The following RBBP6 variants were observed in gnomAD, a reference collection of about 807,000 sequenced individuals.
RBBP6 encodes the protein RB binding protein 6, ubiquitin ligase.
In RBBP6, 25 loss-of-function variants were observed where a neutral mutation model predicts 167.7. The ratio of observed to expected loss-of-function variants is 0.15; its 90% CI spans 0.11 to 0.21. The LOEUF (loss-of-function observed/expected upper bound fraction) is 0.21, where lower values mean the gene tolerates loss of function less well. RBBP6 is among the 10% of genes least tolerant of loss of function. The pLI, the probability that RBBP6 is intolerant of heterozygous loss-of-function variation, is 1.00. For missense variants in RBBP6, 1,868 were observed against 2,134.2 expected, an observed-to-expected ratio of 0.88 and a Z score of 2.46; for synonymous variants, 789 against 735.8, an observed-to-expected ratio of 1.07 and a Z score of -1.17.
chr16:24,553,553 C>A lies in RBBP6; in HGVS notation c.344C>A (p.Thr115Lys). 6.4e-7 allele frequency: 1 copy of A among 1,552,566 alleles called. No individual in the cohort carries two copies. The highest frequency in any genetic ancestry group is 8.6e-7 in the Non-Finnish European group (1 of 1,157,292). ...SSASISLAQL[T>K]KTANLAEANA... ...GCGTCTATTTCTCTGGCCCAGCTTACAAAGGTATATATATATATATATTCT... is the reference window on the plus strand; with the variant it reads ...GCGTCTATTTCTCTGGCCCAGCTTAAAAAGGTATATATATATATATATTCT... Residue 115 changes from threonine to lysine, a missense_variant, in exon 4 of 18, where the codon ACA (threonine) becomes AAA (lysine). Thr to Lys is a moderately conservative substitution (Grantham distance 78). Around this residue, in one of 7 missense-constraint regions of RBBP6, gnomAD observed 184 missense variants for 327.7 expected, o/e 0.56. Transcript: ENST00000319715.
chr16:24,549,533 A>G (rs1898746553), intron 3 of RBBP6: 1 of 263,690 alleles, frequency 3.8e-6, no homozygotes, highest in Admixed American at 6.5e-5. Flanking sequence ...TCCAAGTTCA[A>G]ACACATCATA....
At position 24,568,829 on chromosome 16, in the gene RBBP6, C is replaced by G; in HGVS notation, c.2139C>G (p.Arg713=). ...CAAGATCTGGTTCAACACGTTCACG[C>G]TCTTATTCTCGATCATTCAGCCGCT... ...SKSRSGSTRS[R]SYSRSFSRSH... is the part of the protein sequence containing the mutation. Residue 713 remains arginine (R), a synonymous_variant, in exon 17 of 18, where the codon CGC becomes CGG. Coordinates refer to ENST00000319715, the MANE Select transcript of RBBP6 (RefSeq NM_006910.5). 1.2e-6 allele frequency: 2 copies of G among 1,614,228 alleles called. No individual in the cohort carries two copies. Among genetic ancestry groups the G allele is most frequent in the South Asian group, 2.2e-5 (2 of 91,086 alleles).
In RBBP6 at chr16:24,559,587, A is replaced by G; in HGVS notation, c.757A>G (p.Ile253Val). The G allele has an allele frequency of 5.0e-6, 8 of 1,608,606 alleles. No homozygotes were observed. Among genetic ancestry groups the G allele is most frequent in the Non-Finnish European group, 6.8e-6 (8 of 1,177,328 alleles). The change falls in exon 8 of 18, where the codon ATC (isoleucine) becomes GTC (valine). Residue 253 changes from isoleucine (I) to valine (V), a missense_variant. Physicochemically the swap from Ile to Val is conservative, Grantham distance 29. This residue lies in a region of RBBP6 where 184 missense variants were observed against 327.7 expected (regional missense o/e 0.56). Coordinates refer to ENST00000319715, the MANE Select transcript of RBBP6 (RefSeq NM_006910.5). ...PSSSSEEDDP[I>V]PDELLCLICK... ...TTCTTCCTCAGAAGAAGATGATCCTATCCCAGATGAATTGTTGTGTCTCAT... is the reference window on the plus strand; with the variant it reads ...TTCTTCCTCAGAAGAAGATGATCCTGTCCCAGATGAATTGTTGTGTCTCAT...
Position 24,548,972 on chromosome 16 carries a change from T to C in RBBP6, c.294T>C (p.Thr98=). ...GTCGAACTGAACCAGCGATGGCAACTACAAAAGCAGTATGTAAAAACACAA... is the reference window on the plus strand; with the variant it reads ...GTCGAACTGAACCAGCGATGGCAACCACAAAAGCAGTATGTAAAAACACAA... ...VISRTEPAMA[T]TKAIDDSSAS... The change falls in exon 3 of 18, where the codon ACT becomes ACC. Residue 98 remains threonine, a synonymous_variant. Coordinates refer to ENST00000319715, the MANE Select transcript of RBBP6 (RefSeq NM_006910.5). 1 of 1,611,326 alleles carries C rather than the reference T, an allele frequency of 6.2e-7. No individual in the cohort carries two copies. The highest frequency in any genetic ancestry group is 8.5e-7 in the Non-Finnish European group (1 of 1,178,318).
At chr16:24,568,128 G>GT (rs1704565201) in intron 16 of RBBP6, among the ~76,000 whole-genome samples, 1 of 152,204 alleles carries the variant, frequency 6.6e-6, no homozygotes, top group African/African-American at 2.4e-5. Flanking sequence ...GTCCCTTAAA[G>GT]TTATTCATAG....
At chr16:24,555,735 A>T (rs368230504) in intron 5 of RBBP6, 32 bp downstream of exon 5, 189 of 1,601,390 alleles carry the variant, frequency 1.2e-4, no homozygotes, top group Admixed American at 5.0e-4. Context: ...ACTAATAGGA[A>T]CTTTTGGGGT....
chr16:24,541,181 C>CAAAAAA (rs751954607), intron 1 of RBBP6, among the ~76,000 whole-genome samples: 5 of 58,026 alleles, frequency 8.6e-5, no homozygotes, highest in Admixed American at 2.1e-4. Flanking sequence ...GTTCAATCAG[C>CAAAAAA]AAAAAAAAAA....
At chr16:24,565,389 T>C (rs959030598) in intron 14 of RBBP6, among the ~76,000 whole-genome samples, 1 of 152,226 alleles carries the variant, frequency 6.6e-6, no homozygotes, top group East Asian at 1.9e-4. Context: ...AGAATCTTAC[T>C]GTCTAGGTCA....
At chr16:24,542,716 G>A (rs1898535395) in intron 1 of RBBP6, among the ~76,000 whole-genome samples, 1 of 152,170 alleles carries the variant, frequency 6.6e-6, no homozygotes, top group Non-Finnish European at 1.5e-5. Context: ...ACCCACCTGG[G>A]TCTCCCAAAG....
intron 1 of RBBP6, among the ~76,000 whole-genome samples, chr16:24,544,746 C>G (rs1898594435): frequency 2.0e-5 from 3 of 152,094 alleles, no homozygotes; most frequent in Non-Finnish European, 2.9e-5. Context: ...CATTCTTATA[C>G]AAGTATTGCA....
At chr16:24,557,723 T>TTC (rs1416678062) in intron 7 of RBBP6, among the ~76,000 whole-genome samples, 14 of 152,196 alleles carry the variant, frequency 9.2e-5, no homozygotes, top group African/African-American at 2.9e-4. Flanking sequence ...GGTGTTCATG[T>TTC]TCTCAGTGAA....
chr16:24,571,073 C>G lies in RBBP6; in HGVS notation c.4007C>G (p.Thr1336Arg), dbSNP rs147860625. The G allele has an allele frequency of 2.5e-6, 4 of 1,611,632 alleles. No individual in the cohort carries two copies. The highest frequency in any genetic ancestry group is 3.4e-6 in the Non-Finnish European group (4 of 1,178,086). Reference sequence around the variant, plus strand: ...TCTGAAGAAGAAGATGTTAAATCCACACAGCCTATATCAAGTGTAGGAAAA... The same window carrying G: ...TCTGAAGAAGAAGATGTTAAATCCAGACAGCCTATATCAAGTGTAGGAAAA... Reference protein sequence around the residue: ...FESEEEDVKSTQPISSVGKPA... With the variant: ...FESEEEDVKSRQPISSVGKPA... The change falls in exon 18 of 18, where the codon ACA becomes AGA. Residue 1336 changes from threonine (T) to arginine (R), a missense_variant. Thr to Arg is a moderately conservative substitution (Grantham distance 71). Around this residue, in one of 7 missense-constraint regions of RBBP6, gnomAD observed 591 missense variants for 540.5 expected, o/e 1.09. Coordinates refer to ENST00000319715, the MANE Select transcript of RBBP6 (RefSeq NM_006910.5).
chr16:24,561,523 G>A, intron 8 of RBBP6, 89 bp from the exon 9 acceptor site: 1 of 1,114,180 alleles, frequency 9.0e-7, no homozygotes, highest in Non-Finnish European at 1.3e-6. Flanking sequence ...TAATGTAACT[G>A]AACAAATGTG....
In RBBP6 at chr16:24,561,716, G is replaced by GTAAC; in HGVS notation, c.951+3_951+6dup. 2 of 1,611,956 alleles carry GTAAC rather than the reference G, an allele frequency of 1.2e-6. No individual in the cohort carries two copies. The highest frequency in any genetic ancestry group is 1.7e-6 in the Non-Finnish European group (2 of 1,178,146). On this transcript the variant is annotated splice_donor_variant, in intron 9 of 17. Coordinates refer to ENST00000319715, the MANE Select transcript of RBBP6 (RefSeq NM_006910.5). LOFTEE classifies it high-confidence loss of function. ...AATTGCCAATAAATTTTTACGACAG[G>GTAAC]TAACTGTCTGTATCCATTTTATGAA...
chr16:24,568,972 C>T lies in RBBP6; in HGVS notation c.2282C>T (p.Pro761Leu). Residue 761 changes from proline to leucine, a missense_variant, in exon 17 of 18, where the codon CCC becomes CTC. By Grantham distance (98) the Pro-to-Leu change is moderately conservative (BLOSUM62 -3). Around this residue, in one of 7 missense-constraint regions of RBBP6, gnomAD observed 673 missense variants for 691.5 expected, o/e 0.97. Transcript: ENST00000319715. The stretch of plus-strand genomic sequence containing the variant: ...TATCATCGATCTAGGTCAAGGTCAC[C>T]CCCTTACAGACGCTATCATTCACGA... ...HGYHRSRSRS[P>L]PYRRYHSRSR... 1.2e-6 allele frequency: 2 copies of T among 1,614,130 alleles called. No homozygotes were observed. Among genetic ancestry groups the T allele is most frequent in the Non-Finnish European group, 1.7e-6 (2 of 1,179,978 alleles).
rs576975942 is a variant in RBBP6, at chr16:24,555,506, T to C, written c.349-109T>C. 6.0e-6 allele frequency: 5 copies of C among 829,584 alleles called. No homozygotes were observed. The South Asian group carries it at 6.8e-5, about 11-fold the overall frequency. The allele number at this position is 829,584 out of a possible 1,614,324, so 51.4% of individuals were successfully genotyped here. ...TTATACGTGTAAATAGCTGTTTTTA[T>C]GCAAGATTAGTTAGATACTGCTCTT... is the stretch of plus-strand genomic sequence containing the variant. On this transcript the variant is annotated intron_variant, in intron 4 of 17. Transcript: ENST00000319715.
In RBBP6 at chr16:24,572,610, C is replaced by T. The variant is rs959575629; in HGVS notation, c.*165C>T. ...ATTTTTACATCAGAGCTTTATAACACGAACTTTTGTACAGAATTGTGAGTT... is the reference window on the plus strand; with the variant it reads ...ATTTTTACATCAGAGCTTTATAACATGAACTTTTGTACAGAATTGTGAGTT... On this transcript the variant is annotated 3_prime_UTR_variant, in exon 18 of 18. Transcript: ENST00000319715. The T allele has an allele frequency of 6.8e-6, 7 of 1,025,180 alleles. No individual in the cohort carries two copies. Among genetic ancestry groups the T allele is most frequent in the Non-Finnish European group, 9.4e-6 (7 of 744,008 alleles). 63.5% of individuals were successfully genotyped at this position (1,025,180 alleles called of 1,614,324 possible).
intron 1 of RBBP6, 24 bp downstream of exon 1, chr16:24,540,816 T>C (rs1383558678): frequency 6.3e-7 from 1 of 1,599,638 alleles, no homozygotes; most frequent in Non-Finnish European, 8.5e-7. Flanking sequence ...GGTCTTAAGA[T>C]ATTTGGTGGC....
Position 24,569,864 on chromosome 16 carries a change from A to G in RBBP6, c.3174A>G (p.Pro1058=). ...ERERSPRSEP[P]IKKAKEETPK... ...AGAGATCTCCTCGATCTGAACCTCC[A>G]ATTAAAAAAGCCAAAGAGGAGACTC... The change falls in exon 17 of 18, where the codon CCA becomes CCG. Residue 1058 remains proline (P), a synonymous_variant. Coordinates refer to ENST00000319715, the MANE Select transcript of RBBP6 (RefSeq NM_006910.5). The G allele has an allele frequency of 1.2e-6, 2 of 1,610,848 alleles. No individual in the cohort carries two copies. Among genetic ancestry groups the G allele is most frequent in the Non-Finnish European group, 1.7e-6 (2 of 1,179,324 alleles).
Sources: gnomAD v4.1 joint callset for allele counts (sites outside exome capture counted in the v4.1 genomes callset) on GRCh38, gnomAD v4.1.1 for gene constraint, gnomAD v4.1.1 regional missense constraint, MANE v1.5 for transcripts, NCBI Gene and HGNC (gene_info 2026-07-23, HGNC 2026-07-21) for gene names.